Variants in UBLCP1 observed in about 807,000 individuals in gnomAD.
UBLCP1 encodes the protein ubiquitin like domain containing CTD phosphatase 1, also known as ubiquitin-like domain-containing CTD phosphatase 1.
UBLCP1 carries 28 observed loss-of-function variants against 42.4 expected under a neutral mutation model. That is an observed-to-expected ratio of 0.66 (90% CI 0.49 to 0.90). The LOEUF is 0.90. Ranked by LOEUF, UBLCP1 falls within the 40% of genes least tolerant of loss-of-function variation. The pLI is 0.00. For missense variants in UBLCP1, 279 were observed against 374.5 expected, an observed-to-expected ratio of 0.75 and a Z score of 2.10; for synonymous variants, 122 against 120.8, an observed-to-expected ratio of 1.01 and a Z score of -0.07.
chr5:159,272,998 C>T (rs1487100934), intron 6 of UBLCP1, among the ~76,000 whole-genome samples: 1 of 152,152 alleles, frequency 6.6e-6, no homozygotes, highest in Non-Finnish European at 1.5e-5. Context: ...TAAATGAAGT[C>T]CCATCAAGTA....
chr5:159,272,829 G>A (rs1458598661), intron 6 of UBLCP1, among the ~76,000 whole-genome samples: 3 of 152,214 alleles, frequency 2.0e-5, no homozygotes, highest in Non-Finnish European at 4.4e-5. Flanking sequence ...TAAATATACT[G>A]TAATCGTAAG....
chr5:159,271,928 T>C lies in UBLCP1; in HGVS notation c.449-95T>C, dbSNP rs762502782. On this transcript the variant is annotated intron_variant, in intron 5 of 10. Transcript: ENST00000296786. ...CAGTTTGCAATGAAATGTTTATGTT[T>C]GCATTTCGTAATATATTACATTTAA... 2.0e-5 allele frequency: 16 copies of C among 816,196 alleles called. No individual in the cohort carries two copies. In the South Asian group the frequency reaches 2.6e-4, roughly 13 times the overall value. The allele number at this position is 816,196 out of a possible 1,614,324, so 50.6% of individuals were successfully genotyped here.
At chr5:159,271,386 G>A (rs1275496722) in intron 5 of UBLCP1, among the ~76,000 whole-genome samples, 1 of 151,994 alleles carries the variant, frequency 6.6e-6, no homozygotes, top group African/African-American at 2.4e-5. Context: ...ACTTGAGCCC[G>A]GATTAAGACT....
Position 159,274,905 on chromosome 5 carries a change from A to G in UBLCP1, c.586-243A>G, listed in dbSNP as rs190617544. On this transcript the variant is annotated intron_variant, in intron 7 of 10. Transcript: ENST00000296786. ...TTTCCTTCTTTTGCTCTAGTGTGCA[A>G]TACTTAAAGAGTCAGTATTCTCCTA... Among the ~76,000 whole-genome samples, 775 of 152,282 alleles carry G rather than the reference A, an allele frequency of 5.1e-3. 9 individuals carry two copies. Among genetic ancestry groups the G allele is most frequent in the African/African-American group, 0.018 (730 of 41,552 alleles).
rs879043535 is a variant in UBLCP1, at chr5:159,285,108, T to TA, written c.*183dup. 319 of 594,714 alleles carry TA rather than the reference T, an allele frequency of 5.4e-4. 3 individuals are homozygous for TA. The highest frequency in any genetic ancestry group is 3.2e-3 in the South Asian group (152 of 47,814). The allele number at this position is 594,714 out of a possible 1,614,324, so 36.8% of individuals were successfully genotyped here. ...TTTTTTGAAGATGATAGCAATATGCTAAAAAATGCTTGTCCCCTATATGAA... is the reference window on the plus strand; with the variant it reads ...TTTTTTGAAGATGATAGCAATATGCTAAAAAAATGCTTGTCCCCTATATGAA... On this transcript the variant is annotated 3_prime_UTR_variant, in exon 11 of 11. Transcript: ENST00000296786.
chr5:159,272,231 T>C, intron 6 of UBLCP1, 110 bp downstream of exon 6: 1 of 886,414 alleles, frequency 1.1e-6, no homozygotes, highest in African/African-American at 1.7e-5. Context: ...TGAAATAGTT[T>C]TCATTTTTTA....
intron 8 of UBLCP1, among the ~76,000 whole-genome samples, chr5:159,276,052 A>G (rs1753532157): frequency 6.6e-6 from 1 of 152,206 alleles, no homozygotes; most frequent in Non-Finnish European, 1.5e-5. Context: ...TTAAGTATCT[A>G]CTGTCTGGAA....
rs997488606 is a variant in UBLCP1 at position 159,268,976 on chromosome 5, G to A, written c.61G>A (p.Glu21Lys). ...GQEYSVTTLS[E>K]DDTVLDLKQF... ...GGAGTATTCAGTGACCACACTTTCA[G>A]AAGATGATACTGTGCTCGATCTCAA... is the stretch of plus-strand genomic sequence containing the variant. Residue 21 changes from glutamate to lysine, a missense_variant, in exon 2 of 11, where the codon GAA becomes AAA. Glu to Lys is a moderately conservative substitution (Grantham distance 56). Transcript: ENST00000296786. 3.1e-6 allele frequency: 5 copies of A among 1,612,046 alleles called. No homozygotes were observed. The highest frequency in any genetic ancestry group is 1.1e-5 in the South Asian group (1 of 90,582).
chr5:159,275,848 A>G (rs1753529426), intron 8 of UBLCP1, among the ~76,000 whole-genome samples: 1 of 152,174 alleles, frequency 6.6e-6, no homozygotes, highest in African/African-American at 2.4e-5. Context: ...GGTGAGAAAA[A>G]TACTGAATAT....
chr5:159,265,223 CTG>C (rs1306388502), intron 1 of UBLCP1, among the ~76,000 whole-genome samples: 4 of 152,140 alleles, frequency 2.6e-5, no homozygotes, highest in Non-Finnish European at 4.4e-5. Flanking sequence ...GTAGGAGACA[CTG>C]TTTTTAAATT....
rs900528743 is a variant in UBLCP1, at chr5:159,263,316, C to G, written c.-91C>G. 6.6e-6 allele frequency: 1 copy of G among 152,400 alleles called. No individual in the cohort carries two copies. Among genetic ancestry groups the G allele is most frequent in the Non-Finnish European group, 1.5e-5 (1 of 68,076 alleles). The allele number at this position is 152,400 out of a possible 1,614,324, so 9.4% of individuals were successfully genotyped here. A position where few individuals can be genotyped will look rare whatever the true frequency, so the allele number is the denominator to read the frequency against. The stretch of plus-strand genomic sequence containing the variant: ...CTTCCGGTCGCTTTCGGTCTCTCAG[C>G]GGCCGGTTTCTGCGTCCGCTGCCGC... On this transcript the variant is annotated 5_prime_UTR_variant, in exon 1 of 11. Transcript: ENST00000296786.
intron 9 of UBLCP1, among the ~76,000 whole-genome samples, chr5:159,282,421 C>G (rs1157126632): frequency 6.6e-6 from 1 of 152,022 alleles, no homozygotes; most frequent in African/African-American, 2.4e-5. Flanking sequence ...GTCCTCTAGT[C>G]TTTTTAAGCA....
chr5:159,265,627 G>C (rs1215097769), intron 1 of UBLCP1, among the ~76,000 whole-genome samples: 3 of 152,124 alleles, frequency 2.0e-5, no homozygotes, highest in Non-Finnish European at 4.4e-5. Context: ...TGAATCATGG[G>C]GGCCGATTTT....
intron 10 of UBLCP1, 102 bp downstream of exon 10, chr5:159,283,441 A>G (rs2113324338): frequency 2.0e-6 from 2 of 1,010,594 alleles, no homozygotes; most frequent in East Asian, 5.5e-5. Flanking sequence ...CTTAATTTTT[A>G]TTTAAAATAG....
intron 3 of UBLCP1, 79 bp downstream of exon 3, chr5:159,270,078 A>G (rs1273573424): frequency 2.4e-6 from 3 of 1,249,046 alleles, no homozygotes; most frequent in East Asian, 5.0e-5. Context: ...TATAGTTTTA[A>G]TTGTGGTAAA....
chr5:159,280,064 TAA>T (rs1208213653), intron 9 of UBLCP1, among the ~76,000 whole-genome samples: 1 of 152,216 alleles, frequency 6.6e-6, no homozygotes, highest in Non-Finnish European at 1.5e-5. Context: ...GTAGGGTTTT[TAA>T]AAGACTGTAC....
At chr5:159,279,564 AT>A (rs1753581877) in intron 9 of UBLCP1, among the ~76,000 whole-genome samples, 1 of 152,208 alleles carries the variant, frequency 6.6e-6, no homozygotes, top group African/African-American at 2.4e-5. Context: ...TTAAAAGTAC[AT>A]TTTTTAAACC....
At chr5:159,266,927 G>A (rs75615791) in intron 1 of UBLCP1, among the ~76,000 whole-genome samples, 2,031 of 152,304 alleles carry the variant, frequency 0.013, 46 homozygotes, top group African/African-American at 0.046. Context: ...ACTCTTGGAC[G>A]CCCTGGCAAA....
chr5:159,283,095 G>T, intron 9 of UBLCP1, 117 bp from the exon 10 acceptor site: 1 of 1,022,602 alleles, frequency 9.8e-7, no homozygotes, highest in Non-Finnish European at 1.4e-6. Flanking sequence ...GTAATTTTTA[G>T]TATTTATGTT....
Sources: allele counts gnomAD v4.1 joint callset (sites outside exome capture counted in the v4.1 genomes callset), GRCh38; gene constraint gnomAD v4.1.1; transcripts MANE v1.5; gene names NCBI Gene and HGNC (gene_info 2026-07-23, HGNC 2026-07-21).